The following SMG6 variants were observed in gnomAD, a reference collection of about 807,000 sequenced individuals.
SMG6 encodes the protein telomerase-binding protein EST1A.
SMG6 carries 66 observed loss-of-function variants against 142.2 expected under a neutral mutation model. The observed-to-expected ratio is 0.46, with a 90% CI of 0.38 to 0.57. The LOEUF is 0.57. Among genes scored for constraint, SMG6 ranks in the 20% least tolerant of loss-of-function variants. The pLI is 0.00. For synonymous variants in SMG6, 779 were observed against 702.4 expected (o/e 1.11, Z -1.72); for missense variants, 1,793 against 1,832.0 (o/e 0.98, Z 0.39).
rs766036296 is a variant in SMG6, at chr17:2,065,662, C to A, written c.3853G>T (p.Gly1285Cys). 1 of 1,612,970 alleles carries A rather than the reference C, an allele frequency of 6.2e-7. No homozygotes were observed. The highest frequency in any genetic ancestry group is 2.2e-5 in the East Asian group (1 of 44,876). Residue 1285 changes from glycine (G) to cysteine (C), a missense_variant, in exon 17 of 19, where the codon GGC becomes TGC. By Grantham distance (159) the Gly-to-Cys change is radical. Around this residue, in one of 3 missense-constraint regions of SMG6, gnomAD observed 179 missense variants for 212.6 expected, o/e 0.84. Transcript: ENST00000263073. ...VPLIVINELD[G>C]LAKGQETDHR... The stretch of plus-strand genomic sequence containing the variant: ...TCTGTCTCCTGCCCCTTGGCCAGGC[C>A]GTCCAGCTCATTGATCACTGATGAG...
At chr17:2,106,072 G>A (rs2069147162) in intron 13 of SMG6, among the ~76,000 whole-genome samples, 1 of 152,158 alleles carries the variant, frequency 6.6e-6, no homozygotes, top group South Asian at 2.1e-4. Flanking sequence ...GCTTGATCTT[G>A]GAGAAGGTAT....
In SMG6 at chr17:2,222,108, T is replaced by C. The variant is rs185914442; in HGVS notation, c.2869+14384A>G. 2.0e-3 allele frequency among the ~76,000 whole-genome samples: 306 copies of C among 152,344 alleles called. 2 individuals are homozygous for C. Among genetic ancestry groups the C allele is most frequent in the African/African-American group, 6.6e-3 (273 of 41,570 alleles). ...AGTTACAACAGGTCAGGGACTGTTT[T>C]AGATGTTCACAATGTATCAGTGGAT... On this transcript the variant is annotated intron_variant, in intron 10 of 18. Transcript: ENST00000263073.
At chr17:2,243,609 G>A (rs527620747) in intron 9 of SMG6, among the ~76,000 whole-genome samples, 1 of 152,270 alleles carries the variant, frequency 6.6e-6, no homozygotes, top group African/African-American at 2.4e-5. Flanking sequence ...TGAACTCAGA[G>A]GGCAGAGGTT....
At chr17:2,217,730 G>A (rs939671651) in intron 10 of SMG6, among the ~76,000 whole-genome samples, 1 of 152,040 alleles carries the variant, frequency 6.6e-6, no homozygotes, top group East Asian at 1.9e-4. Flanking sequence ...GAAAAGGACC[G>A]CCGGGCACGG....
chr17:2,111,668 T>A (rs1597400389), intron 13 of SMG6, among the ~76,000 whole-genome samples: 2 of 152,148 alleles, frequency 1.3e-5, no homozygotes, highest in South Asian at 4.1e-4. Flanking sequence ...CCTCTTAAAG[T>A]GCTGGGATTA....
chr17:2,156,055 T>A (rs1007175821), intron 13 of SMG6, among the ~76,000 whole-genome samples: 98 of 139,756 alleles, frequency 7.0e-4, no homozygotes, highest in Middle Eastern at 3.7e-3. Context: ...TTTTTTTTTT[T>A]AAAATAATGA....
intron 10 of SMG6, among the ~76,000 whole-genome samples, chr17:2,210,107 T>C (rs529571775): frequency 1.3e-5 from 2 of 152,238 alleles, no homozygotes; most frequent in East Asian, 1.9e-4. Flanking sequence ...TTGGAAAGGT[T>C]AGCCTAGGTC....
intron 15 of SMG6, 95 bp from the exon 16 acceptor site, chr17:2,069,026 C>T: frequency 8.0e-7 from 1 of 1,252,454 alleles, no homozygotes; most frequent in Non-Finnish European, 1.1e-6. Context: ...GCATCCTGCC[C>T]CTAGGAACCT....
At chr17:2,285,128 A>G (rs1447279471) in intron 6 of SMG6, among the ~76,000 whole-genome samples, 1 of 152,224 alleles carries the variant, frequency 6.6e-6, no homozygotes, top group Admixed American at 6.5e-5. Flanking sequence ...CACTGTCTAT[A>G]CAGCTCACTT....
At chr17:2,250,560 T>A (rs28570357) in intron 8 of SMG6, among the ~76,000 whole-genome samples, 19 of 152,014 alleles carry the variant, frequency 1.2e-4, no homozygotes, top group African/African-American at 4.6e-4. Flanking sequence ...GCTAGTTTTT[T>A]ATTTTTTGTA....
chr17:2,202,987 T>C (rs2072576969), intron 10 of SMG6, among the ~76,000 whole-genome samples: 1 of 152,148 alleles, frequency 6.6e-6, no homozygotes, highest in South Asian at 2.1e-4. Context: ...CCTTCTTCTT[T>C]ATATAGGACT....
At chr17:2,081,294 G>A (rs1249225650) in intron 15 of SMG6, among the ~76,000 whole-genome samples, 1 of 152,158 alleles carries the variant, frequency 6.6e-6, no homozygotes, top group African/African-American at 2.4e-5. Context: ...GAGGGCTGAT[G>A]GGGGTCAAAG....
intron 6 of SMG6, among the ~76,000 whole-genome samples, chr17:2,290,158 C>T (rs1397465432): frequency 6.6e-6 from 1 of 151,918 alleles, no homozygotes; most frequent in African/African-American, 2.4e-5. Context: ...GGCAAAAGAT[C>T]CAGAATAGCC....
At chr17:2,137,359 C>T (rs2070336780) in intron 13 of SMG6, among the ~76,000 whole-genome samples, 1 of 152,000 alleles carries the variant, frequency 6.6e-6, no homozygotes, top group African/African-American at 2.4e-5. Flanking sequence ...GAACAAACAC[C>T]CTAACCTTGA....
chr17:2,255,589 C>T (rs1203644294), intron 8 of SMG6: 15 of 156,308 alleles, frequency 9.6e-5, no homozygotes, highest in South Asian at 3.8e-4. Context: ...CCCGGCCAGC[C>T]GCCCCGTCCG....
intron 10 of SMG6, among the ~76,000 whole-genome samples, chr17:2,198,950 TAAAAAAAAA>T (rs55660022): frequency 3.9e-5 from 4 of 102,132 alleles, no homozygotes; most frequent in Admixed American, 1.1e-4. Context: ...AAAATAAAAT[TAAAAAAAAA>T]AAAAAAAAAA....
chr17:2,228,248 G>A (rs1318951708), intron 10 of SMG6, among the ~76,000 whole-genome samples: 1 of 150,940 alleles, frequency 6.6e-6, no homozygotes, highest in Non-Finnish European at 1.5e-5. Context: ...TTTTTGAGAC[G>A]GAGCCTCACT....
At chr17:2,134,291 G>A (rs759345440) in intron 13 of SMG6, among the ~76,000 whole-genome samples, 2 of 151,552 alleles carry the variant, frequency 1.3e-5, no homozygotes, top group South Asian at 2.1e-4. Flanking sequence ...GGTGGTGCAC[G>A]CCTGTAATCC....
At chr17:2,105,083 ATTTT>A (rs549898049) in intron 13 of SMG6, among the ~76,000 whole-genome samples, 11 of 103,168 alleles carry the variant, frequency 1.1e-4, no homozygotes, top group South Asian at 3.4e-4. Context: ...CACCCAGCTA[ATTTT>A]TTTTTTTTTT....
Sources: allele counts gnomAD v4.1 joint callset (sites outside exome capture counted in the v4.1 genomes callset), GRCh38; gene constraint gnomAD v4.1.1; regional missense constraint gnomAD v4.1.1; transcripts MANE v1.5; gene names NCBI Gene and HGNC (gene_info 2026-07-23, HGNC 2026-07-21).